The following FBXO39 variants were observed in gnomAD, a reference collection of about 807,000 sequenced individuals.
FBXO39 encodes F-box protein 39.
FBXO39 carries 22 observed loss-of-function variants against 36.6 expected under a neutral mutation model. The observed-to-expected ratio is 0.60, with a 90% CI of 0.43 to 0.86. FBXO39 has a LOEUF of 0.86. Among genes scored for constraint, FBXO39 ranks in the 40% least tolerant of loss-of-function variants. FBXO39 has a pLI of 0.00. For missense variants in FBXO39, 536 were observed against 543.9 expected (o/e 0.99, Z 0.14); for synonymous variants, 206 against 205.8 (o/e 1.00, Z -0.01).
chr17:6,778,649 G>A (rs970590205), intron 1 of FBXO39, among the ~76,000 whole-genome samples: 1 of 152,118 alleles, frequency 6.6e-6, no homozygotes, highest in African/African-American at 2.4e-5. Context: ...GGAGTGGTAG[G>A]GCTTGAACTT....
rs772429571 is a variant in FBXO39 at position 6,787,556 on chromosome 17, C to T, written c.*128C>T. ...CCCCTCCACTTTTTTTTTTTGTCAG[C>T]TCCATGACAACATGACCAGCTCAGC... On this transcript the variant is annotated 3_prime_UTR_variant, in exon 4 of 4. Coordinates refer to ENST00000321535, the MANE Select transcript of FBXO39 (RefSeq NM_153230.3). 9.2e-6 allele frequency: 10 copies of T among 1,081,934 alleles called. No homozygotes were observed. Among genetic ancestry groups the T allele is most frequent in the Admixed American group, 2.3e-5 (1 of 43,410 alleles). 67.0% of individuals were successfully genotyped at this position (1,081,934 alleles called of 1,614,324 possible).
intron 2 of FBXO39, among the ~76,000 whole-genome samples, chr17:6,782,015 G>A (rs899845090): frequency 3.3e-5 from 5 of 152,168 alleles, no homozygotes; most frequent in East Asian, 3.9e-4. Flanking sequence ...CATATCTTAC[G>A]TAGAAAGACA....
At chr17:6,778,990 A>G (rs983921142) in intron 1 of FBXO39, among the ~76,000 whole-genome samples, 11 of 152,032 alleles carry the variant, frequency 7.2e-5, no homozygotes, top group Non-Finnish European at 1.2e-4. Flanking sequence ...AACTCACCAC[A>G]TGGCTTCCAG....
intron 1 of FBXO39, among the ~76,000 whole-genome samples, chr17:6,778,207 G>A (rs1053536214): frequency 6.6e-6 from 1 of 152,184 alleles, no homozygotes; most frequent in East Asian, 1.9e-4. Context: ...GTACACATTT[G>A]GCAAGCACAC....
At chr17:6,779,615 T>A (rs951575857) in intron 1 of FBXO39, among the ~76,000 whole-genome samples, 174 bp from the exon 2 acceptor site, 2 of 152,260 alleles carry the variant, frequency 1.3e-5, no homozygotes, top group Admixed American at 6.5e-5. Flanking sequence ...TACTGGTCTG[T>A]ATCCCTGGAT....
rs886570393 is a variant in FBXO39 at position 6,787,568 on chromosome 17, A to G, written c.*140A>G. ...TTTTTTTTGTCAGCTCCATGACAAC[A>G]TGACCAGCTCAGCAAAGGCTGAGAC... is the stretch of plus-strand genomic sequence containing the variant. On this transcript the variant is annotated 3_prime_UTR_variant, in exon 4 of 4. Coordinates refer to ENST00000321535, the MANE Select transcript of FBXO39 (RefSeq NM_153230.3). 6 of 954,516 alleles carry G rather than the reference A, an allele frequency of 6.3e-6. No homozygotes were observed. The African/African-American group carries it at 8.3e-5, about 13-fold the overall frequency. The allele number at this position is 954,516 out of a possible 1,614,324, so 59.1% of individuals were successfully genotyped here.
At chr17:6,778,407 A>G (rs1330275460) in intron 1 of FBXO39, among the ~76,000 whole-genome samples, 1 of 152,186 alleles carries the variant, frequency 6.6e-6, no homozygotes, top group Non-Finnish European at 1.5e-5. Context: ...GTGGTCCAAG[A>G]GGTGGGGACA....
chr17:6,783,172 T>C (rs571532561), intron 2 of FBXO39, among the ~76,000 whole-genome samples: 2 of 152,224 alleles, frequency 1.3e-5, no homozygotes, highest in South Asian at 4.1e-4. Flanking sequence ...GAATGACCAG[T>C]TGGTCATGAA....
chr17:6,783,668 C>T (rs1225136671), intron 2 of FBXO39, among the ~76,000 whole-genome samples: 2 of 151,958 alleles, frequency 1.3e-5, no homozygotes, highest in Non-Finnish European at 2.9e-5. Flanking sequence ...TGGATAAATT[C>T]CTACACACGT....
intron 2 of FBXO39, among the ~76,000 whole-genome samples, chr17:6,784,639 A>C (rs1222735374): frequency 6.6e-6 from 1 of 152,144 alleles, no homozygotes; most frequent in Non-Finnish European, 1.5e-5. Flanking sequence ...TCTGAAAAAG[A>C]AATCAAGAAA....
In FBXO39 at chr17:6,780,341, A is replaced by G. The variant is rs1009302010; in HGVS notation, c.473A>G (p.Lys158Arg). ...SFISSLSFFL[K>R]KMGKRLDYLN... The stretch of plus-strand genomic sequence containing the variant: ...ATCAGCAGCTTGAGCTTCTTCTTAA[A>G]GAAGATGGGCAAACGCCTGGATTAT... Residue 158 changes from lysine to arginine, a missense_variant, in exon 2 of 4, where the codon AAG (lysine) becomes AGG (arginine). Lys to Arg is a conservative substitution (Grantham distance 26). Coordinates refer to ENST00000321535, the MANE Select transcript of FBXO39 (RefSeq NM_153230.3). The G allele has an allele frequency of 3.2e-5, 51 of 1,614,012 alleles. No individual in the cohort carries two copies. Among genetic ancestry groups the G allele is most frequent in the Non-Finnish European group, 4.2e-5 (50 of 1,180,038 alleles).
intron 1 of FBXO39, among the ~76,000 whole-genome samples, chr17:6,777,271 C>G (rs538977105): frequency 5.3e-5 from 8 of 152,080 alleles, no homozygotes; most frequent in South Asian, 2.1e-4. Context: ...CCCGCCACCC[C>G]CCGACAGGCC....
chr17:6,778,842 C>T (rs1030265167), intron 1 of FBXO39, among the ~76,000 whole-genome samples: 1 of 152,152 alleles, frequency 6.6e-6, no homozygotes, highest in African/African-American at 2.4e-5. Flanking sequence ...CCAGCCTTCC[C>T]CACCTCTTCC....
rs780245730 is a variant in FBXO39, at chr17:6,786,933, C to G, written c.1177C>G (p.Gln393Glu). The G allele has an allele frequency of 1.2e-6, 2 of 1,613,608 alleles. No individual in the cohort carries two copies. Among genetic ancestry groups the G allele is most frequent in the Non-Finnish European group, 1.7e-6 (2 of 1,179,714 alleles). Reference protein sequence around the residue: ...ERILKSQKERQCALRVFKARI... With the variant: ...ERILKSQKERECALRVFKARI... Reference sequence around the variant, plus strand: ...GATCCTGAAGAGTCAGAAAGAACGGCAGTGTGCCCTGCGTGTATTCAAGGT... The same window carrying G: ...GATCCTGAAGAGTCAGAAAGAACGGGAGTGTGCCCTGCGTGTATTCAAGGT... Residue 393 changes from glutamine to glutamate, a missense_variant, in exon 3 of 4, where the codon CAG (glutamine) becomes GAG (glutamate). Physicochemically the swap from Gln to Glu is conservative, Grantham distance 29. Transcript: ENST00000321535.
Position 6,787,295 on chromosome 17 carries a change from C to T in FBXO39, c.1201-5C>T, listed in dbSNP as rs1305762923. The T allele has an allele frequency of 1.6e-5, 26 of 1,612,246 alleles. No individual in the cohort carries two copies. Among genetic ancestry groups the T allele is most frequent in the East Asian group, 2.2e-5 (1 of 44,810 alleles). The stretch of plus-strand genomic sequence containing the variant: ...ATATGTGGATGTATTTCTCTGTTGG[C>T]ACAGGCGAGAATTTATACAAACAGA... On this transcript the variant is annotated splice_region_variant and splice_polypyrimidine_tract_variant and intron_variant, in intron 3 of 3. Transcript: ENST00000321535.
intron 3 of FBXO39, 47 bp from the exon 4 acceptor site, chr17:6,787,253 T>TGTGTGCGCGCGC (rs138181464): frequency 6.4e-7 from 1 of 1,551,904 alleles, no homozygotes; most frequent in South Asian, 1.1e-5. Flanking sequence ...TGTGTGTGTG[T>TGTGTGCGCGCGC]GCGTGTGTGC....
chr17:6,783,700 A>G (rs1161506837), intron 2 of FBXO39, among the ~76,000 whole-genome samples: 1 of 152,166 alleles, frequency 6.6e-6, no homozygotes, highest in Admixed American at 6.5e-5. Flanking sequence ...AGATTGAACC[A>G]TGAAGAAATC....
chr17:6,780,192 C>T lies in FBXO39; in HGVS notation c.324C>T (p.Phe108=). 2.5e-6 allele frequency: 4 copies of T among 1,614,154 alleles called. No individual in the cohort carries two copies. The highest frequency in any genetic ancestry group is 3.4e-6 in the Non-Finnish European group (4 of 1,180,026). ...NPYNAVLTKK[F]QVTMRGLLSC... The stretch of plus-strand genomic sequence containing the variant: ...ACAATGCTGTCTTGACCAAGAAGTT[C>T]CAGGTCACCATGCGGGGCCTCCTGT... The change falls in exon 2 of 4, where the codon TTC becomes TTT. Residue 108 remains phenylalanine, a synonymous_variant. Transcript: ENST00000321535.
intron 2 of FBXO39, among the ~76,000 whole-genome samples, chr17:6,782,848 T>C (rs1307601467): frequency 6.6e-6 from 1 of 152,124 alleles, no homozygotes; most frequent in Admixed American, 6.5e-5. Flanking sequence ...CCCTCCTTTC[T>C]GTATTGGGTA....
Sources: gnomAD v4.1 joint callset for allele counts (sites outside exome capture counted in the v4.1 genomes callset) on GRCh38, gnomAD v4.1.1 for gene constraint, MANE v1.5 for transcripts, NCBI Gene and HGNC (gene_info 2026-07-23, HGNC 2026-07-21) for gene names.